The following RP1 variants were observed in gnomAD, a reference collection of about 807,000 sequenced individuals.
RP1 encodes the protein RP1 axonemal microtubule associated, also known as oxygen-regulated protein 1.
Under a neutral mutation model 14.8 loss-of-function variants are expected in RP1, and 16 were observed. That is an observed-to-expected ratio of 1.08 (90% CI 0.73 to 1.65). RP1 has a LOEUF of 1.65. RP1 is among the 40% of genes most tolerant of loss of function. RP1 has a pLI of 0.00. For synonymous variants in RP1, 876 were observed against 883.6 expected (o/e 0.99, Z 0.15); for missense variants, 2,631 against 2,535.0 (o/e 1.04, Z -0.81).
chr8:54,629,707 A>T lies in RP1; in HGVS notation c.5825A>T (p.Asp1942Val), dbSNP rs1806195507. 1 of 1,612,582 alleles carries T rather than the reference A, an allele frequency of 6.2e-7. No homozygotes were observed. Among genetic ancestry groups the T allele is most frequent in the Middle Eastern group, 1.7e-4 (1 of 6,050 alleles). Residue 1942 changes from aspartate (D) to valine (V), a missense_variant, in exon 4 of 4, where the codon GAT becomes GTT. Coordinates refer to ENST00000220676, the MANE Select transcript of RP1 (RefSeq NM_006269.2). ...DRGFAYRKES[D>V]IENFLGFYLW... is the part of the protein sequence containing the mutation. The stretch of plus-strand genomic sequence containing the variant: ...GGATTTGCATATCGCAAAGAATCTG[A>T]TATTGAAAATTTCTTGGGTTTTTAT...
chr8:54,834,572 T>C (rs1272338812), intron 24 of RP1, among the ~76,000 whole-genome samples: 1 of 152,110 alleles, frequency 6.6e-6, no homozygotes, highest in East Asian at 1.9e-4. Context: ...AGGAAAGTTT[T>C]ATTTTCCAGT....
chr8:54,761,030 G>A (rs1232403444), intron 22 of RP1, among the ~76,000 whole-genome samples: 3 of 152,080 alleles, frequency 2.0e-5, no homozygotes, highest in African/African-American at 4.8e-5. Context: ...TGGAAGCTCT[G>A]TTTTATTCCC....
At position 54,574,050 on chromosome 8, in the gene RP1, TG is replaced by T. The variant is rs548590922; in HGVS notation, c.-13+14732del. 1.3e-3 allele frequency among the ~76,000 whole-genome samples: 199 copies of T among 152,266 alleles called. 2 individuals are homozygous for T. The highest frequency in any genetic ancestry group is 0.011 in the South Asian group (51 of 4,824). On this transcript the variant is annotated intron_variant, in intron 1 of 22. Coordinates refer to the RP1 transcript ENST00000636932. ...CGAGAATAAGACGAACACAAAGATC[TG>T]GTTGTGATACCAATTCTGATGGCAT... is the stretch of plus-strand genomic sequence containing the variant.
chr8:54,674,689 AAGG>A (rs753348951), intron 8 of RP1, among the ~76,000 whole-genome samples: 35 of 152,130 alleles, frequency 2.3e-4, no homozygotes, highest in Non-Finnish European at 4.3e-4. Context: ...AGCTGGTTGA[AAGG>A]AGGTTACAAG....
chr8:54,565,258 C>T (rs571393542), intron 1 of RP1, among the ~76,000 whole-genome samples: 1 of 152,176 alleles, frequency 6.6e-6, no homozygotes, highest in Non-Finnish European at 1.5e-5. Context: ...TGGAGGTGAA[C>T]AGCAAGTAGC....
At chr8:54,829,517 G>A (rs943677312) in intron 24 of RP1, among the ~76,000 whole-genome samples, 1 of 152,114 alleles carries the variant, frequency 6.6e-6, no homozygotes, top group Non-Finnish European at 1.5e-5. Flanking sequence ...GTTTTTGGAG[G>A]AGACAGAACA....
chr8:54,759,009 T>C, exon 22 of RP1: 1 of 1,535,472 alleles, frequency 6.5e-7, no homozygotes, highest in East Asian at 2.4e-5. Context: ...ATCACAGTAC[T>C]GGTACTGTGA....
chr8:54,691,424 T>C (rs1807705329), intron 12 of RP1, among the ~76,000 whole-genome samples: 1 of 152,098 alleles, frequency 6.6e-6, no homozygotes, highest in South Asian at 2.1e-4. Flanking sequence ...GGATTAGATT[T>C]GAAAGCTAGG....
chr8:54,863,704 T>G (rs1468340534), intron 27 of RP1, among the ~76,000 whole-genome samples: 1 of 152,214 alleles, frequency 6.6e-6, no homozygotes, highest in South Asian at 2.1e-4. Flanking sequence ...AAATTTCAGT[T>G]GCAATGATTT....
At chr8:54,797,151 A>T (rs760300809) in intron 24 of RP1, among the ~76,000 whole-genome samples, 3 of 152,174 alleles carry the variant, frequency 2.0e-5, no homozygotes, top group Non-Finnish European at 2.9e-5. Context: ...ACATTTTTGT[A>T]TGTAACACTG....
At chr8:54,866,531 T>C (rs549408106) in intron 28 of RP1, among the ~76,000 whole-genome samples, 13 of 152,228 alleles carry the variant, frequency 8.5e-5, no homozygotes, top group African/African-American at 3.1e-4. Context: ...TATAGAGTTA[T>C]AATAAGTAGA....
chr8:54,679,859 A>G, exon 12 of RP1: 1 of 1,536,104 alleles, frequency 6.5e-7, no homozygotes, highest in Non-Finnish European at 8.7e-7. Context: ...TTCTATAACA[A>G]GCTGACTGGA....
chr8:54,567,230 T>G (rs1804429207), intron 1 of RP1, among the ~76,000 whole-genome samples: 1 of 152,210 alleles, frequency 6.6e-6, no homozygotes, highest in Non-Finnish European at 1.5e-5. Flanking sequence ...ATTTGACATG[T>G]TTGTCAGTCT....
intron 1 of RP1, among the ~76,000 whole-genome samples, chr8:54,617,079 G>A (rs1019486362): frequency 1.3e-5 from 2 of 152,212 alleles, no homozygotes; most frequent in Non-Finnish European, 2.9e-5. Context: ...AAGAAGAGAC[G>A]ATATTGGTAG....
intron 27 of RP1, among the ~76,000 whole-genome samples, chr8:54,861,951 G>T (rs1387329149): frequency 6.6e-6 from 1 of 152,156 alleles, no homozygotes; most frequent in Non-Finnish European, 1.5e-5. Flanking sequence ...TAGGAGGGTG[G>T]TTCCCAACTG....
At chr8:54,827,504 T>A (rs1228411166) in intron 24 of RP1, among the ~76,000 whole-genome samples, 2 of 152,228 alleles carry the variant, frequency 1.3e-5, no homozygotes, top group East Asian at 3.9e-4. Context: ...GATTTTTAAA[T>A]GTTTTTCTAG....
intron 1 of RP1, among the ~76,000 whole-genome samples, chr8:54,565,276 T>C (rs899392844): frequency 2.0e-5 from 3 of 152,272 alleles, no homozygotes; most frequent in African/African-American, 2.4e-5. Flanking sequence ...AGCAAAACCT[T>C]AGCTGGGGCT....
At chr8:54,777,683 G>A (rs1484701011) in intron 23 of RP1, among the ~76,000 whole-genome samples, 4 of 152,100 alleles carry the variant, frequency 2.6e-5, no homozygotes, top group Non-Finnish European at 5.9e-5. Flanking sequence ...TTATGAGGTT[G>A]TATTTTGAAG....
At chr8:54,823,074 G>A (rs1032770228) in intron 24 of RP1, among the ~76,000 whole-genome samples, 9 of 151,944 alleles carry the variant, frequency 5.9e-5, no homozygotes, top group Admixed American at 1.3e-4. Context: ...ATAGTTCTAC[G>A]TTGTTTTATC....
Sources: allele counts gnomAD v4.1 joint callset (sites outside exome capture counted in the v4.1 genomes callset), GRCh38; gene constraint gnomAD v4.1.1; transcripts MANE v1.5; gene names NCBI Gene and HGNC (gene_info 2026-07-23, HGNC 2026-07-21).